TIMMDC1: variants seen among roughly 807,000 people sequenced by gnomAD.
TIMMDC1 encodes the protein complex I assembly factor TIMMDC1, mitochondrial.
TIMMDC1 carries 25 observed loss-of-function variants against 32.6 expected under a neutral mutation model. The observed-to-expected ratio is 0.77, with a 90% CI of 0.56 to 1.07. The LOEUF (loss-of-function observed/expected upper bound fraction) is 1.07. TIMMDC1 is among the 50% of genes least tolerant of loss of function. The pLI is 0.00. For synonymous variants in TIMMDC1, 130 were observed against 127.6 expected, an observed-to-expected ratio of 1.02 and a Z score of -0.13; for missense variants, 329 against 349.2, an observed-to-expected ratio of 0.94 and a Z score of 0.46.
At chr3:119,506,904 A>C (rs933802061) in intron 4 of TIMMDC1, among the ~76,000 whole-genome samples, 3 of 152,154 alleles carry the variant, frequency 2.0e-5, no homozygotes, top group African/African-American at 7.2e-5. Context: ...CCACTACCAC[A>C]ATTAATTTTG....
intron 2 of TIMMDC1, among the ~76,000 whole-genome samples, chr3:119,501,324 A>G (rs929907071): frequency 1.3e-5 from 2 of 152,246 alleles, no homozygotes; most frequent in African/African-American, 4.8e-5. Flanking sequence ...TTATTTTGAA[A>G]TTATAGCAGG....
intron 5 of TIMMDC1, among the ~76,000 whole-genome samples, chr3:119,515,210 A>C (rs1438843725): frequency 3.0e-4 from 2 of 6,668 alleles, no homozygotes; most frequent in African/African-American, 9.5e-4. Context: ...CTCCATCTCA[A>C]AAAAAAAAAA....
chr3:119,512,949 C>T lies in TIMMDC1; in HGVS notation c.518-692C>T, dbSNP rs1451692474. ...AGAGGCAGGGTTTTGCCATGTTGTC[C>T]AGGCTGACTTAGAACTCCTGACCTC... On this transcript the variant is annotated intron_variant, in intron 4 of 6. Transcript: ENST00000494664. Among the ~76,000 whole-genome samples, 3 of 152,122 alleles carry T rather than the reference C, an allele frequency of 2.0e-5. No homozygotes were observed. In the East Asian group the frequency reaches 5.8e-4, roughly 29 times the overall value.
chr3:119,515,402 A>G (rs1478793827), intron 5 of TIMMDC1, among the ~76,000 whole-genome samples: 2 of 152,020 alleles, frequency 1.3e-5, no homozygotes, highest in African/African-American at 2.4e-5. Flanking sequence ...CATACTTCAA[A>G]TCTTTAACTT....
At chr3:119,522,043 A>G (rs895197086) in intron 6 of TIMMDC1, among the ~76,000 whole-genome samples, 1 of 152,136 alleles carries the variant, frequency 6.6e-6, no homozygotes, top group South Asian at 2.1e-4. Context: ...AGATCCAGCA[A>G]TCTTCCCTAC....
At chr3:119,503,093 G>A (rs1226222788) in intron 2 of TIMMDC1, among the ~76,000 whole-genome samples, 1 of 152,044 alleles carries the variant, frequency 6.6e-6, no homozygotes, top group Non-Finnish European at 1.5e-5. Context: ...TTCATTACAG[G>A]TTGAGCAGCA....
chr3:119,524,749 A>T lies in TIMMDC1; in HGVS notation c.*993A>T, dbSNP rs1168538358. On this transcript the variant is annotated 3_prime_UTR_variant, in exon 7 of 7. Coordinates refer to ENST00000494664, the MANE Select transcript of TIMMDC1 (RefSeq NM_016589.4). ...TGTGGAAGGCAGTTTTAGAGAAAGG[A>T]GTCATGAGTAACATGAACAGCAGTT... The T allele has an allele frequency of 2.0e-5, 3 of 152,224 alleles. No individual in the cohort carries two copies. The highest frequency in any genetic ancestry group is 2.0e-4 in the Admixed American group (3 of 15,284). 9.4% of individuals were successfully genotyped at this position (152,224 alleles called of 1,614,324 possible).
At chr3:119,513,960 C>T (rs571714073) in intron 5 of TIMMDC1, among the ~76,000 whole-genome samples, 1 of 152,202 alleles carries the variant, frequency 6.6e-6, no homozygotes, top group East Asian at 1.9e-4. Flanking sequence ...ATAACATTGA[C>T]TCAATACAAC....
At chr3:119,521,927 A>G (rs867068037) in intron 6 of TIMMDC1, among the ~76,000 whole-genome samples, 1 of 152,174 alleles carries the variant, frequency 6.6e-6, no homozygotes, top group Non-Finnish European at 1.5e-5. Flanking sequence ...GCAAGGATGT[A>G]GAAAGAAAAG....
At chr3:119,516,462 G>T (rs151247572) in intron 5 of TIMMDC1, among the ~76,000 whole-genome samples, 15 of 152,268 alleles carry the variant, frequency 9.9e-5, no homozygotes, top group African/African-American at 3.6e-4. Flanking sequence ...ATACTCCATT[G>T]TATGTGTATG....
At chr3:119,506,233 G>A (rs553563106) in intron 4 of TIMMDC1, among the ~76,000 whole-genome samples, 79 of 152,264 alleles carry the variant, frequency 5.2e-4, no homozygotes, top group African/African-American at 1.8e-3. Flanking sequence ...ATTGTTAAAT[G>A]TGAAAACCAG....
intron 6 of TIMMDC1, among the ~76,000 whole-genome samples, chr3:119,522,042 A>G (rs1055562353): frequency 8.5e-5 from 13 of 152,168 alleles, no homozygotes; most frequent in Admixed American, 8.5e-4. Flanking sequence ...AAGATCCAGC[A>G]ATCTTCCCTA....
rs2082046293 is a variant in TIMMDC1, at chr3:119,523,686, C to T, written c.788C>T (p.Ala263Val). ...CAGGAAGATGAACCTGAGAATGATG[C>T]TAAGAAAATTGAAGCACTGCTAAAC... The part of the protein sequence containing the change: ...SLQEDEPEND[A>V]KKIEALLNLP... Residue 263 changes from alanine (A) to valine (V), a missense_variant, in exon 7 of 7, where the codon GCT becomes GTT. Ala to Val is a moderately conservative substitution (Grantham distance 64). Coordinates refer to ENST00000494664, the MANE Select transcript of TIMMDC1 (RefSeq NM_016589.4). 6.2e-7 allele frequency: 1 copy of T among 1,613,548 alleles called. No homozygotes were observed. Among genetic ancestry groups the T allele is most frequent in the African/African-American group, 1.3e-5 (1 of 74,998 alleles).
At position 119,523,702 on chromosome 3, in the gene TIMMDC1, A is replaced by G. The variant is rs770318896; in HGVS notation, c.804A>G (p.Ala268=). The G allele has an allele frequency of 6.2e-7, 1 of 1,613,482 alleles. No individual in the cohort carries two copies. Among genetic ancestry groups the G allele is most frequent in the Admixed American group, 1.7e-5 (1 of 59,894 alleles). ...AGAATGATGCTAAGAAAATTGAAGC[A>G]CTGCTAAACCTTCCTAGAAACCCTT... ...EPENDAKKIE[A]LLNLPRNPSV... The change falls in exon 7 of 7, where the codon GCA becomes GCG. Residue 268 remains alanine (A), a synonymous_variant. Transcript: ENST00000494664.
chr3:119,522,799 G>GGGGTGTGT (rs757742715), intron 6 of TIMMDC1, among the ~76,000 whole-genome samples: 30 of 127,458 alleles, frequency 2.4e-4, no homozygotes, highest in Non-Finnish European at 3.4e-4. Context: ...TACACGTATG[G>GGGGTGTGT]GTGTTTGTGT....
chr3:119,500,712 CA>C lies in TIMMDC1; in HGVS notation c.215del (p.Lys72ArgfsTer75). On this transcript the variant is annotated frameshift_variant, in exon 2 of 7. Coordinates refer to ENST00000494664, the MANE Select transcript of TIMMDC1 (RefSeq NM_016589.4). LOFTEE classifies it high-confidence loss of function. ...TGTTGTAGTGAACAGCAGAGAATTT[CA>C]AAGGACCTTGCTAATATCTGTAAGA... ...LFGKDEQQRI[S>X]KDLANICKTA... 1 of 1,613,126 alleles carries C rather than the reference CA, an allele frequency of 6.2e-7. No individual in the cohort carries two copies. Among genetic ancestry groups the C allele is most frequent in the Non-Finnish European group, 8.5e-7 (1 of 1,179,652 alleles).
At chr3:119,514,188 T>A (rs905161221) in intron 5 of TIMMDC1, among the ~76,000 whole-genome samples, 1 of 152,238 alleles carries the variant, frequency 6.6e-6, no homozygotes, top group Non-Finnish European at 1.5e-5. Flanking sequence ...TTTTTTACTT[T>A]GAACAATTTC....
intron 2 of TIMMDC1, 67 bp downstream of exon 2, chr3:119,500,927 T>C: frequency 6.7e-7 from 1 of 1,490,924 alleles, no homozygotes. Flanking sequence ...CACTTAATCA[T>C]TCAATTAGGT....
rs76706173 is a variant in TIMMDC1 at position 119,504,127 on chromosome 3, A to G, written c.517+106A>G. 3,491 of 814,394 alleles carry G rather than the reference A, an allele frequency of 4.3e-3. 79 individuals carry two copies. In the African/African-American group the frequency reaches 0.052, roughly 12 times the overall value. The allele number at this position is 814,394 out of a possible 1,614,324, so 50.4% of individuals were successfully genotyped here. On this transcript the variant is annotated intron_variant, in intron 4 of 6. Coordinates refer to ENST00000494664, the MANE Select transcript of TIMMDC1 (RefSeq NM_016589.4). Reference sequence around the variant, plus strand: ...TGAATTCTTTGGTTGGCTTCCCATTACATCTCATCAACATTGATGCAAAAT... The same window carrying G: ...TGAATTCTTTGGTTGGCTTCCCATTGCATCTCATCAACATTGATGCAAAAT...
Sources: gnomAD v4.1 joint callset for allele counts (sites outside exome capture counted in the v4.1 genomes callset) on GRCh38, gnomAD v4.1.1 for gene constraint, MANE v1.5 for transcripts, NCBI Gene and HGNC (gene_info 2026-07-23, HGNC 2026-07-21) for gene names.